The following ANKS1B variants were observed in gnomAD, a reference collection of about 807,000 sequenced individuals.
The protein encoded by ANKS1B is ankyrin repeat and sterile alpha motif domain-containing protein 1B.
In ANKS1B, 36 loss-of-function variants were observed where a neutral mutation model predicts 148.3. The observed-to-expected ratio is 0.24, with a 90% CI of 0.19 to 0.32. The LOEUF is 0.32. ANKS1B is among the 10% of genes least tolerant of loss of function. The probability of loss-of-function intolerance (pLI) is 1.00; values close to 1 mark genes in which losing one functional copy is unlikely to be tolerated. For synonymous variants in ANKS1B, 542 were observed against 560.8 expected (o/e 0.97, Z 0.47); for missense variants, 1,157 against 1,542.6 (o/e 0.75, Z 4.19).
chr12:99,809,536 C>T (rs571379508), intron 3 of ANKS1B, among the ~76,000 whole-genome samples: 3 of 151,730 alleles, frequency 2.0e-5, no homozygotes, highest in South Asian at 2.1e-4. Context: ...AACCATAATC[C>T]GGGTAGAGTC....
intron 9 of ANKS1B, among the ~76,000 whole-genome samples, chr12:99,550,396 G>A (rs935231257): frequency 3.9e-5 from 6 of 152,156 alleles, no homozygotes; most frequent in Admixed American, 3.3e-4. Flanking sequence ...GGCTGAGGCA[G>A]GCAGATCAAT....
intron 25 of ANKS1B, among the ~76,000 whole-genome samples, chr12:98,768,024 C>A (rs2098508625): frequency 6.6e-6 from 1 of 152,164 alleles, no homozygotes. Flanking sequence ...CATAACACAT[C>A]CTTCTTTTCT....
intron 1 of ANKS1B, among the ~76,000 whole-genome samples, chr12:99,891,900 T>A (rs2093131143): frequency 6.6e-6 from 1 of 152,222 alleles, no homozygotes; most frequent in Admixed American, 6.5e-5. Context: ...GGTAGGGGAA[T>A]TTATATAAAA....
At chr12:99,934,609 T>C (rs1324761971) in intron 1 of ANKS1B, among the ~76,000 whole-genome samples, 1 of 152,180 alleles carries the variant, frequency 6.6e-6, no homozygotes, top group Non-Finnish European at 1.5e-5. Context: ...GTATACATCA[T>C]AATGTCTGTT....
At chr12:99,584,216 T>G (rs993706302) in intron 9 of ANKS1B, among the ~76,000 whole-genome samples, 1 of 152,206 alleles carries the variant, frequency 6.6e-6, no homozygotes, top group Admixed American at 6.5e-5. Flanking sequence ...CAAAAGCTTA[T>G]GAAAATTGAT....
chr12:99,047,861 A>C (rs2099963500), intron 17 of ANKS1B, among the ~76,000 whole-genome samples: 1 of 152,220 alleles, frequency 6.6e-6, no homozygotes, highest in Non-Finnish European at 1.5e-5. Context: ...ACCAGATGGA[A>C]CTAAGGGTCT....
chr12:99,409,743 A>G (rs1397092716), intron 11 of ANKS1B, among the ~76,000 whole-genome samples: 1 of 149,178 alleles, frequency 6.7e-6, no homozygotes, highest in Non-Finnish European at 1.5e-5. Flanking sequence ...TAATATTAAA[A>G]TGGAGATAAA....
At chr12:99,123,539 A>C (rs988385649) in intron 15 of ANKS1B, among the ~76,000 whole-genome samples, 1 of 152,176 alleles carries the variant, frequency 6.6e-6, no homozygotes, top group Non-Finnish European at 1.5e-5. Flanking sequence ...ACAATAGGCC[A>C]CCTGCAAGCT....
At chr12:99,590,257 C>CA (rs1491577992) in intron 9 of ANKS1B, among the ~76,000 whole-genome samples, 20,901 of 126,586 alleles carry the variant, frequency 0.17, 1,529 homozygotes, top group South Asian at 0.28. Context: ...CCCACACCCA[C>CA]CCACACACAC....
intron 19 of ANKS1B, among the ~76,000 whole-genome samples, chr12:98,816,868 T>C (rs543233472): frequency 1.3e-5 from 2 of 152,236 alleles, no homozygotes; most frequent in South Asian, 2.1e-4. Context: ...ATAACCCCTA[T>C]TAAGCTCTGG....
intron 9 of ANKS1B, among the ~76,000 whole-genome samples, chr12:99,540,571 T>C (rs1341746160): frequency 6.6e-6 from 1 of 152,148 alleles, no homozygotes; most frequent in African/African-American, 2.4e-5. Context: ...ATTAGCAATG[T>C]GCCAAAGAAG....
intron 17 of ANKS1B, among the ~76,000 whole-genome samples, chr12:98,994,989 T>G (rs1208938505): frequency 1.3e-5 from 2 of 152,192 alleles, no homozygotes; most frequent in African/African-American, 4.8e-5. Context: ...AATTAATGTA[T>G]AGCTTGTTTT....
chr12:98,823,614 C>G, intron 19 of ANKS1B, among the ~76,000 whole-genome samples: 1 of 152,346 alleles, frequency 6.6e-6, no homozygotes. Context: ...CTCAGCTCTC[C>G]TGTCTCAGCT....
chr12:99,692,540 G>A lies in ANKS1B; in HGVS notation c.1129-37330C>T, dbSNP rs528417382. 8.4e-4 allele frequency among the ~76,000 whole-genome samples: 127 copies of A among 151,964 alleles called. 1 individual carries two copies. In the South Asian group the frequency reaches 0.019, roughly 22 times the overall value. On this transcript the variant is annotated intron_variant, in intron 8 of 26. Transcript: ENST00000683438. ...ACAAAAATTAGCTGGGCATGGTGGT[G>A]CATGCCTGTGGTCCCAGCTACTCTG... is the stretch of plus-strand genomic sequence containing the variant.
Position 98,745,695 on chromosome 12 carries a change from C to T in ANKS1B, c.*44G>A, listed in dbSNP as rs749673043. 1 of 1,606,668 alleles carries T rather than the reference C, an allele frequency of 6.2e-7. No homozygotes were observed. Among genetic ancestry groups the T allele is most frequent in the Admixed American group, 1.7e-5 (1 of 59,458 alleles). On this transcript the variant is annotated 3_prime_UTR_variant, in exon 27 of 27. Transcript: ENST00000683438. ...CGCGAAGGAAAGCCTGCTCCGGGAC[C>T]GCTTGGCGAGCAAGGCACCGCGAGG...
Position 98,744,001 on chromosome 12 carries a change from T to C in ANKS1B, c.*1738A>G, listed in dbSNP as rs911425267. On this transcript the variant is annotated 3_prime_UTR_variant, in exon 27 of 27. Coordinates refer to ENST00000683438, the MANE Select transcript of ANKS1B (RefSeq NM_001352186.2). ...CTGTACAACTTCTGTTTTATTTTTG[T>C]GTGCTTTTTTTATAGGATATAAATA... The C allele has an allele frequency of 1.0e-6, 1 of 983,784 alleles. No homozygotes were observed. Among genetic ancestry groups the C allele is most frequent in the Non-Finnish European group, 1.2e-6 (1 of 828,516 alleles). 60.9% of individuals were successfully genotyped at this position (983,784 alleles called of 1,614,324 possible). A position where few individuals can be genotyped will look rare whatever the true frequency, so the allele number is the denominator to read the frequency against.
chr12:99,277,886 A>G (rs1214948994), intron 12 of ANKS1B, among the ~76,000 whole-genome samples: 1 of 152,232 alleles, frequency 6.6e-6, no homozygotes. Context: ...GGTAGCCTGA[A>G]CAATAGATAT....
At chr12:98,753,879 C>T (rs1197405222) in intron 25 of ANKS1B, among the ~76,000 whole-genome samples, 4 of 152,204 alleles carry the variant, frequency 2.6e-5, no homozygotes, top group East Asian at 3.8e-4. Flanking sequence ...TCTGGGAGCC[C>T]GATTCCCACA....
downstream of ANKS1B, among the ~76,000 whole-genome samples, chr12:98,740,434 A>G (rs547008978): frequency 1.3e-5 from 2 of 152,202 alleles, no homozygotes; most frequent in South Asian, 4.1e-4. Context: ...CATTCTCAGG[A>G]GCTTGCTGGA....
Sources: gnomAD v4.1 joint callset for allele counts (sites outside exome capture counted in the v4.1 genomes callset) on GRCh38, gnomAD v4.1.1 for gene constraint, MANE v1.5 for transcripts, NCBI Gene and HGNC (gene_info 2026-07-23, HGNC 2026-07-21) for gene names.